The following SLC24A2 variants were observed in gnomAD, a reference collection of about 807,000 sequenced individuals.
SLC24A2 encodes the protein sodium/potassium/calcium exchanger 2.
Under a neutral mutation model 62.0 loss-of-function variants are expected in SLC24A2, and 36 were observed. The ratio of observed to expected loss-of-function variants is 0.58; its 90% CI spans 0.44 to 0.77. The LOEUF is 0.77. Ranked by LOEUF, SLC24A2 falls within the 30% of genes least tolerant of loss-of-function variation. The probability of loss-of-function intolerance (pLI) is 0.00; values close to 1 mark genes in which losing one functional copy is unlikely to be tolerated. For synonymous variants in SLC24A2, 358 were observed against 294.0 expected, an observed-to-expected ratio of 1.22 and a Z score of -2.23; for missense variants, 846 against 817.9, an observed-to-expected ratio of 1.03 and a Z score of -0.42.
the SLC24A2 span, among the ~76,000 whole-genome samples, chr9:19,825,700 A>G: frequency 1.3e-5 from 2 of 152,322 alleles, no homozygotes; most frequent in Admixed American, 1.3e-4. Flanking sequence ...CCTGCCCCAC[A>G]ACAAATTCAG....
At chr9:19,971,504 G>A in the SLC24A2 span, among the ~76,000 whole-genome samples, 1 of 152,184 alleles carries the variant, frequency 6.6e-6, no homozygotes, top group Non-Finnish European at 1.5e-5. Context: ...TCCAGGCAGG[G>A]GAAGGATTCT....
the SLC24A2 span, among the ~76,000 whole-genome samples, chr9:19,849,095 G>A: frequency 2.0e-5 from 3 of 152,174 alleles, no homozygotes; most frequent in East Asian, 1.9e-4. Flanking sequence ...GGCACTGAGT[G>A]GGCAGAGACC....
At chr9:20,295,415 A>G in the SLC24A2 span, among the ~76,000 whole-genome samples, 1 of 152,152 alleles carries the variant, frequency 6.6e-6, no homozygotes, top group African/African-American at 2.4e-5. Flanking sequence ...CAAGGAGTGG[A>G]TTTGTGGACT....
chr9:19,824,396 G>T, the SLC24A2 span, among the ~76,000 whole-genome samples: 2 of 152,168 alleles, frequency 1.3e-5, no homozygotes, highest in African/African-American at 4.8e-5. Flanking sequence ...AGACATTTAT[G>T]CAGCCAACAA....
chr9:19,715,781 A>C (rs1313093235), intron 2 of SLC24A2, among the ~76,000 whole-genome samples: 1 of 152,240 alleles, frequency 6.6e-6, no homozygotes, highest in Non-Finnish European at 1.5e-5. Context: ...GATTATGTAC[A>C]AAGCCTAAAA....
chr9:19,932,472 A>T, the SLC24A2 span, among the ~76,000 whole-genome samples: 1 of 152,254 alleles, frequency 6.6e-6, no homozygotes, highest in Admixed American at 6.5e-5. Flanking sequence ...TAGCCAAAAA[A>T]ACCAAGGTGG....
At chr9:19,802,153 C>G in the SLC24A2 span, among the ~76,000 whole-genome samples, 32 of 152,322 alleles carry the variant, frequency 2.1e-4, no homozygotes, top group South Asian at 6.2e-4. Flanking sequence ...CCACCTGCCA[C>G]AACATCTAAG....
the SLC24A2 span, among the ~76,000 whole-genome samples, chr9:20,073,919 G>T: frequency 2.1e-5 from 3 of 140,782 alleles, no homozygotes; most frequent in Non-Finnish European, 3.1e-5. Flanking sequence ...CTTGTGGGGA[G>T]ATATATATAT....
At chr9:19,545,302 C>G (rs1375473113) in intron 8 of SLC24A2, among the ~76,000 whole-genome samples, 7 of 152,034 alleles carry the variant, frequency 4.6e-5, no homozygotes, top group Non-Finnish European at 8.8e-5. Context: ...CTTCTCGAAA[C>G]TGGTTATTCC....
chr9:19,818,071 C>A, the SLC24A2 span, among the ~76,000 whole-genome samples: 1 of 152,168 alleles, frequency 6.6e-6, no homozygotes, highest in South Asian at 2.1e-4. Context: ...AAATATGTAC[C>A]TTTACTGAGG....
chr9:19,666,348 G>A (rs1387115799), intron 2 of SLC24A2, among the ~76,000 whole-genome samples: 2 of 152,202 alleles, frequency 1.3e-5, no homozygotes, highest in African/African-American at 2.4e-5. Context: ...TGAGGCTGCA[G>A]TGAGTTGTGA....
At chr9:20,206,425 A>G in the SLC24A2 span, among the ~76,000 whole-genome samples, 1 of 152,280 alleles carries the variant, frequency 6.6e-6, no homozygotes, top group East Asian at 1.9e-4. Flanking sequence ...TGAAAGAAAA[A>G]TAACGGTAAG....
Position 19,511,605 on chromosome 9 carries a change from A to G in SLC24A2, c.*4548T>C, listed in dbSNP as rs1832719112. On this transcript the variant is annotated 3_prime_UTR_variant, in exon 11 of 11. Transcript: ENST00000341998. ...GCCTTACCTAATAATTGAAGACAGT[A>G]TTGTTGAGACAGGTATAGGGGTTGA... The G allele has an allele frequency of 6.6e-6, 1 of 152,148 alleles. No homozygotes were observed. The highest frequency in any genetic ancestry group is 2.4e-5 in the African/African-American group (1 of 41,422). 9.4% of individuals were successfully genotyped at this position (152,148 alleles called of 1,614,324 possible). A position where few individuals can be genotyped will look rare whatever the true frequency, so the allele number is the denominator to read the frequency against.
the SLC24A2 span, among the ~76,000 whole-genome samples, chr9:19,846,579 C>T: frequency 7.2e-5 from 11 of 152,058 alleles, no homozygotes; most frequent in African/African-American, 2.7e-4. Flanking sequence ...ATTGTTTAGA[C>T]CATTTACATT....
At chr9:20,241,320 T>A in the SLC24A2 span, among the ~76,000 whole-genome samples, 3 of 152,202 alleles carry the variant, frequency 2.0e-5, no homozygotes, top group African/African-American at 7.2e-5. Flanking sequence ...ATAAGCACAA[T>A]ACAAATTACC....
chr9:20,155,941 T>C, the SLC24A2 span, among the ~76,000 whole-genome samples: 1 of 151,782 alleles, frequency 6.6e-6, no homozygotes, highest in Non-Finnish European at 1.5e-5. Context: ...CAACACAAAA[T>C]AAGGAGAGTA....
chr9:19,731,886 G>A (rs547609840), intron 2 of SLC24A2, among the ~76,000 whole-genome samples: 1 of 152,166 alleles, frequency 6.6e-6, no homozygotes, highest in Non-Finnish European at 1.5e-5. Context: ...TTGCCTGGCA[G>A]CGTAACCTAT....
At chr9:19,566,236 C>T (rs562491294) in intron 7 of SLC24A2, among the ~76,000 whole-genome samples, 4 of 150,180 alleles carry the variant, frequency 2.7e-5, no homozygotes, top group South Asian at 2.1e-4. Flanking sequence ...GGCTAATATC[C>T]AGAATCTACA....
chr9:20,044,944 T>G, the SLC24A2 span, among the ~76,000 whole-genome samples: 1 of 152,058 alleles, frequency 6.6e-6, no homozygotes, highest in Non-Finnish European at 1.5e-5. Flanking sequence ...ATTTATCTGG[T>G]ATGTGGCTGT....
Sources: gnomAD v4.1 joint callset for allele counts (sites outside exome capture counted in the v4.1 genomes callset) on GRCh38, gnomAD v4.1.1 for gene constraint, MANE v1.5 for transcripts, NCBI Gene and HGNC (gene_info 2026-07-23, HGNC 2026-07-21) for gene names.